MMP16: variants seen among roughly 807,000 people sequenced by gnomAD.
MMP16 encodes matrix metallopeptidase 16.
MMP16 carries 12 observed loss-of-function variants against 67.8 expected under a neutral mutation model. That is an observed-to-expected ratio of 0.18 (90% confidence interval 0.11 to 0.29). The LOEUF (loss-of-function observed/expected upper bound fraction) is 0.29. Ranked by LOEUF, MMP16 falls within the 10% of genes least tolerant of loss-of-function variation. The probability of loss-of-function intolerance (pLI) is 1.00; values close to 1 mark genes in which losing one functional copy is unlikely to be tolerated. For synonymous variants in MMP16, 249 were observed against 255.9 expected (o/e 0.97, Z 0.26); for missense variants, 475 against 765.7 (o/e 0.62, Z 4.48).
chr8:88,154,881 G>A lies in MMP16; in HGVS notation c.709+12788C>T, dbSNP rs867100188. 4.0e-3 allele frequency among the ~76,000 whole-genome samples: 559 copies of A among 140,210 alleles called. 7 individuals are homozygous for A. The highest frequency in any genetic ancestry group is 0.013 in the African/African-American group (486 of 37,596). 92.0% of individuals were successfully genotyped at this position (140,210 alleles called of 152,430 possible). Reference sequence around the variant, plus strand: ...TTAAAGTATAATACAAAAAAAAAAAGAAAAAAAAAAGAAATACGTGTATTA... The same window carrying A: ...TTAAAGTATAATACAAAAAAAAAAAAAAAAAAAAAAGAAATACGTGTATTA... On this transcript the variant is annotated intron_variant, in intron 4 of 9. Coordinates refer to ENST00000286614, the MANE Select transcript of MMP16 (RefSeq NM_005941.5).
intron 1 of MMP16, among the ~76,000 whole-genome samples, chr8:88,282,294 C>T (rs932018789): frequency 6.6e-5 from 10 of 152,066 alleles, no homozygotes; most frequent in East Asian, 1.9e-4. Flanking sequence ...AAGCTGGCCT[C>T]GAACTCCTGA....
chr8:88,093,386 C>T (rs1808971782), intron 6 of MMP16, among the ~76,000 whole-genome samples: 1 of 151,870 alleles, frequency 6.6e-6, no homozygotes, highest in Admixed American at 6.6e-5. Flanking sequence ...TTTGGCCCAT[C>T]GATCAACCAT....
Position 88,032,557 on chromosome 8 carries a change from A to G in MMP16, c.*8904T>C, listed in dbSNP as rs1807999380. On this transcript the variant is annotated 3_prime_UTR_variant, in exon 10 of 10. Transcript: ENST00000286614. Reference sequence around the variant, plus strand: ...GTGAATAATAAACACTGTTCAATGCACTGATCAATAAAATCAATGAAAAAA... The same window carrying G: ...GTGAATAATAAACACTGTTCAATGCGCTGATCAATAAAATCAATGAAAAAA... 1 of 152,208 alleles carries G rather than the reference A, an allele frequency of 6.6e-6. No individual in the cohort carries two copies. The highest frequency in any genetic ancestry group is 1.5e-5 in the Non-Finnish European group (1 of 68,024). 9.4% of individuals were successfully genotyped at this position (152,208 alleles called of 1,614,324 possible).
rs1297921604 is a variant in MMP16 at position 88,167,528 on chromosome 8, T to C, written c.709+141A>G. On this transcript the variant is annotated intron_variant, in intron 4 of 9. Transcript: ENST00000286614. ...CACACAAATTCTTATCCTAAAATGCTATAAAATATGCTTACATATTGCTTT... is the reference window on the plus strand; with the variant it reads ...CACACAAATTCTTATCCTAAAATGCCATAAAATATGCTTACATATTGCTTT... The C allele has an allele frequency of 8.1e-6, 6 of 740,756 alleles. No homozygotes were observed. The Admixed American group carries it at 1.9e-4, about 23-fold the overall frequency. The allele number at this position is 740,756 out of a possible 1,614,324, so 45.9% of individuals were successfully genotyped here. A position where few individuals can be genotyped will look rare whatever the true frequency, so the allele number is the denominator to read the frequency against.
intron 1 of MMP16, among the ~76,000 whole-genome samples, chr8:88,258,196 C>G (rs1314364473): frequency 6.6e-6 from 1 of 152,122 alleles, no homozygotes; most frequent in Non-Finnish European, 1.5e-5. Flanking sequence ...CTTCTTTTCC[C>G]TCCTGATTGC....
At chr8:88,314,417 T>TCTCC (rs1811346429) in intron 1 of MMP16, among the ~76,000 whole-genome samples, 1 of 152,222 alleles carries the variant, frequency 6.6e-6, no homozygotes, top group African/African-American at 2.4e-5. Context: ...CAATTTTTTA[T>TCTCC]TATATGCTAG....
intron 7 of MMP16, among the ~76,000 whole-genome samples, chr8:88,064,563 G>A (rs1808440377): frequency 6.6e-6 from 1 of 151,992 alleles, no homozygotes; most frequent in South Asian, 2.1e-4. Flanking sequence ...TGGAATTCGG[G>A]AAATAATGAG....
chr8:88,230,765 C>T (rs753238576), intron 1 of MMP16, among the ~76,000 whole-genome samples: 65 of 152,040 alleles, frequency 4.3e-4, no homozygotes, highest in Non-Finnish European at 5.1e-4. Flanking sequence ...TATTTGGATG[C>T]ATTCTTATAA....
At chr8:88,325,247 G>T (rs75369284) in intron 1 of MMP16, among the ~76,000 whole-genome samples, 1 of 152,126 alleles carries the variant, frequency 6.6e-6, no homozygotes, top group Non-Finnish European at 1.5e-5. Context: ...TGAACTTACT[G>T]AGGGATTCCA....
chr8:88,107,957 T>G (rs890007067), intron 6 of MMP16, among the ~76,000 whole-genome samples: 1 of 151,146 alleles, frequency 6.6e-6, no homozygotes, highest in Non-Finnish European at 1.5e-5. Flanking sequence ...TAATAATCCA[T>G]GTAAAGCATA....
At chr8:88,158,788 T>C (rs1458485815) in intron 4 of MMP16, among the ~76,000 whole-genome samples, 1 of 152,256 alleles carries the variant, frequency 6.6e-6, no homozygotes, top group Non-Finnish European at 1.5e-5. Context: ...CTAGGGTTTG[T>C]ATGGTTTTAG....
At chr8:88,151,545 C>T (rs1360238320) in intron 4 of MMP16, among the ~76,000 whole-genome samples, 1 of 143,684 alleles carries the variant, frequency 7.0e-6, no homozygotes, top group East Asian at 2.2e-4. Flanking sequence ...AACTAGAACT[C>T]AGGATTAAGA....
At chr8:88,201,690 T>C (rs1459320998) in intron 1 of MMP16, among the ~76,000 whole-genome samples, 1 of 152,170 alleles carries the variant, frequency 6.6e-6, no homozygotes, top group Non-Finnish European at 1.5e-5. Context: ...TTTTAACAGA[T>C]AACTTCTCAA....
chr8:88,237,678 C>A (rs1251312895), intron 1 of MMP16, among the ~76,000 whole-genome samples: 7 of 15,346 alleles, frequency 4.6e-4, no homozygotes, highest in Non-Finnish European at 1.3e-3. Context: ...ACAACAACAA[C>A]AACAAAAAAC....
intron 3 of MMP16, among the ~76,000 whole-genome samples, chr8:88,184,741 T>G (rs1809042783): frequency 1.9e-5 from 1 of 51,670 alleles, no homozygotes; most frequent in Admixed American, 3.1e-4. Flanking sequence ...AGTGAGGCCC[T>G]GTCTCAAAAA....
chr8:88,238,595 G>A (rs1809983212), intron 1 of MMP16, among the ~76,000 whole-genome samples: 1 of 150,624 alleles, frequency 6.6e-6, no homozygotes, highest in South Asian at 2.1e-4. Context: ...GAACACAGGA[G>A]GCGGAGGTTG....
At position 88,183,604 on chromosome 8, in the gene MMP16, T is replaced by A. The variant is rs144415009; in HGVS notation, c.404+2872A>T. ...TGAATAGAGGAGAGGTAGCAGATAC[T>A]GCTGTTGCCTCTTAAAGATTTTACC... is the stretch of plus-strand genomic sequence containing the variant. On this transcript the variant is annotated intron_variant, in intron 3 of 9. Transcript: ENST00000286614. Among the ~76,000 whole-genome samples, 535 of 152,232 alleles carry A rather than the reference T, an allele frequency of 3.5e-3. 3 individuals carry two copies. The highest frequency in any genetic ancestry group is 0.012 in the African/African-American group (508 of 41,554).
intron 1 of MMP16, among the ~76,000 whole-genome samples, chr8:88,241,858 C>T (rs1810038994): frequency 6.6e-6 from 1 of 152,006 alleles, no homozygotes; most frequent in South Asian, 2.1e-4. Flanking sequence ...ATTCAAAATC[C>T]TCTCGTCTAG....
intron 1 of MMP16, among the ~76,000 whole-genome samples, chr8:88,281,876 C>T (rs1290651003): frequency 6.6e-6 from 1 of 152,134 alleles, no homozygotes; most frequent in Non-Finnish European, 1.5e-5. Flanking sequence ...CCTGACCATG[C>T]CCTTGTCCTA....
Sources: gnomAD v4.1 joint callset for allele counts (sites outside exome capture counted in the v4.1 genomes callset) on GRCh38, gnomAD v4.1.1 for gene constraint, MANE v1.5 for transcripts, NCBI Gene and HGNC (gene_info 2026-07-23, HGNC 2026-07-21) for gene names.